Variants in PRRC1 observed in about 807,000 individuals in gnomAD.
PRRC1 encodes protein PRRC1.
A neutral mutation model predicts 40.7 loss-of-function variants in PRRC1; 39 were observed. The ratio of observed to expected loss-of-function variants is 0.96; its 90% CI spans 0.74 to 1.25. The LOEUF is 1.25. Among genes scored for constraint, PRRC1 ranks in the 50% most tolerant of loss-of-function variants. PRRC1 has a pLI of 0.00. For synonymous variants in PRRC1, 175 were observed against 193.3 expected (o/e 0.91, Z 0.79); for missense variants, 573 against 548.3 (o/e 1.05, Z -0.45).
chr5:127,525,242 C>G (rs1353621067), intron 3 of PRRC1, among the ~76,000 whole-genome samples: 3 of 152,200 alleles, frequency 2.0e-5, no homozygotes, highest in African/African-American at 7.2e-5. Flanking sequence ...TAGATGGAAT[C>G]ATATAATACG....
intron 4 of PRRC1, among the ~76,000 whole-genome samples, chr5:127,529,457 G>T (rs1393212251): frequency 2.0e-5 from 3 of 152,080 alleles, no homozygotes; most frequent in Non-Finnish European, 4.4e-5. Flanking sequence ...AACTCTATAG[G>T]TCTTGTAAAT....
Position 127,552,787 on chromosome 5 carries a change from A to AG in PRRC1, c.*876dup. ...ACATTTTAATACAGAAATTTTTGAG[A>AG]GGGGGTTACTTTATTGCTTGTGGGT... On this transcript the variant is annotated 3_prime_UTR_variant, in exon 9 of 9. Coordinates refer to ENST00000296666, the MANE Select transcript of PRRC1 (RefSeq NM_130809.5). 1 of 985,344 alleles carries AG rather than the reference A, an allele frequency of 1.0e-6. No individual in the cohort carries two copies. The highest frequency in any genetic ancestry group is 1.2e-6 in the Non-Finnish European group (1 of 829,604). 61.0% of individuals were successfully genotyped at this position (985,344 alleles called of 1,614,324 possible).
chr5:127,525,366 T>G (rs983433579), intron 3 of PRRC1, among the ~76,000 whole-genome samples: 2 of 152,234 alleles, frequency 1.3e-5, no homozygotes, highest in African/African-American at 4.8e-5. Flanking sequence ...TTCCTTTTCA[T>G]GGCTGAATAA....
chr5:127,523,768 C>T, intron 2 of PRRC1, 186 bp downstream of exon 2: 1 of 414,952 alleles, frequency 2.4e-6, no homozygotes, highest in Non-Finnish European at 4.2e-6. Context: ...AGTAAGAAAA[C>T]ATCAGTGTTT....
At chr5:127,531,891 G>A (rs2127099449) in intron 5 of PRRC1, among the ~76,000 whole-genome samples, 1 of 151,950 alleles carries the variant, frequency 6.6e-6, no homozygotes, top group South Asian at 2.1e-4. Flanking sequence ...AAAGAAGCTA[G>A]TAAATGATAA....
At chr5:127,523,878 T>A (rs1373650547) in intron 2 of PRRC1, 8 of 228,308 alleles carry the variant, frequency 3.5e-5, no homozygotes, top group Non-Finnish European at 5.1e-5. Context: ...TGTCTTCTGT[T>A]CTTTTTCTTT....
rs938981110 is a variant in PRRC1 at position 127,553,838 on chromosome 5, A to G, written c.*1922A>G. ...AATCCCCAAAGAGCAGTGGCAGTCC[A>G]TGGCTTGGTTGAAGCTAGAAATTTT... On this transcript the variant is annotated 3_prime_UTR_variant, in exon 9 of 9. Coordinates refer to ENST00000296666, the MANE Select transcript of PRRC1 (RefSeq NM_130809.5). The G allele has an allele frequency of 7.2e-6, 11 of 1,535,752 alleles. No homozygotes were observed. The African/African-American group carries it at 1.4e-4, about 19-fold the overall frequency.
chr5:127,542,833 G>C (rs1353329228), intron 7 of PRRC1, among the ~76,000 whole-genome samples: 1 of 151,672 alleles, frequency 6.6e-6, no homozygotes, highest in Admixed American at 6.6e-5. Flanking sequence ...TATCCAATTT[G>C]CCAGTCTGTG....
intron 7 of PRRC1, among the ~76,000 whole-genome samples, chr5:127,546,376 A>G (rs1418977525): frequency 2.0e-5 from 3 of 152,198 alleles, no homozygotes; most frequent in Non-Finnish European, 4.4e-5. Context: ...TGATTCCAAT[A>G]TCACGGTCAC....
Position 127,547,869 on chromosome 5 carries a change from A to T in PRRC1, c.1076A>T (p.His359Leu). Residue 359 changes from histidine (H) to leucine (L), a missense_variant, in exon 8 of 9, where the codon CAT becomes CTT. Coordinates refer to ENST00000296666, the MANE Select transcript of PRRC1 (RefSeq NM_130809.5). ...LVVEDPVHGIHLETFTQATPV... is the reference protein window; with the variant it reads ...LVVEDPVHGILLETFTQATPV... ...GTTGAAGATCCTGTCCATGGCATTC[A>T]TCTAGAAACATTTACACAAGCCACA... is the stretch of plus-strand genomic sequence containing the variant. 1 of 1,613,762 alleles carries T rather than the reference A, an allele frequency of 6.2e-7. No homozygotes were observed. The highest frequency in any genetic ancestry group is 8.5e-7 in the Non-Finnish European group (1 of 1,179,764).
chr5:127,549,207 A>G (rs1195014358), intron 8 of PRRC1: 1 of 152,172 alleles, frequency 6.6e-6, no homozygotes, highest in Non-Finnish European at 1.5e-5. Context: ...GAGTTCTACA[A>G]AATGTTCAGA....
At position 127,526,509 on chromosome 5, in the gene PRRC1, A is replaced by G. The variant is rs139415331; in HGVS notation, c.494-109A>G. 479 of 718,294 alleles carry G rather than the reference A, an allele frequency of 6.7e-4. 1 individual carries two copies. The African/African-American group carries it at 7.9e-3, about 12-fold the overall frequency. 44.5% of individuals were successfully genotyped at this position (718,294 alleles called of 1,614,324 possible). A position where few individuals can be genotyped will look rare whatever the true frequency, so the allele number is the denominator to read the frequency against. On this transcript the variant is annotated intron_variant, in intron 3 of 8. Transcript: ENST00000296666. ...GTGTTAATCTTTGATTGTATAACTC[A>G]GTCTTCAAATGCCTGAATATTAATA...
intron 7 of PRRC1, among the ~76,000 whole-genome samples, chr5:127,546,834 A>C (rs959062916): frequency 6.6e-6 from 1 of 152,188 alleles, no homozygotes; most frequent in South Asian, 2.1e-4. Context: ...TGATTGAGAA[A>C]GTTGTAGTAA....
In PRRC1 at chr5:127,551,882, T is replaced by C. The variant is rs1490431931; in HGVS notation, c.1304T>C (p.Met435Thr). The change falls in exon 9 of 9, where the codon ATG becomes ACG. Residue 435 changes from methionine (M) to threonine (T), a missense_variant. Coordinates refer to ENST00000296666, the MANE Select transcript of PRRC1 (RefSeq NM_130809.5). Reference sequence around the variant, plus strand: ...AGTGCAGCCAGAGCGATAGCGGGCATGTATAAACAGCGCCTGCCACCCAGG... The same window carrying C: ...AGTGCAGCCAGAGCGATAGCGGGCACGTATAAACAGCGCCTGCCACCCAGG... ...IYSAARAIAG[M>T]YKQRLPPRTV The C allele has an allele frequency of 1.9e-6, 3 of 1,614,046 alleles. No individual in the cohort carries two copies. The highest frequency in any genetic ancestry group is 2.5e-6 in the Non-Finnish European group (3 of 1,179,972).
Position 127,552,864 on chromosome 5 carries a change from T to G in PRRC1, c.*948T>G. 3 of 979,206 alleles carry G rather than the reference T, an allele frequency of 3.1e-6. No homozygotes were observed. The highest frequency in any genetic ancestry group is 3.6e-6 in the Non-Finnish European group (3 of 823,952). 60.7% of individuals were successfully genotyped at this position (979,206 alleles called of 1,614,324 possible). A position where few individuals can be genotyped will look rare whatever the true frequency, so the allele number is the denominator to read the frequency against. ...TTACTTATTTGGTTTGCCTTAAGCA[T>G]TACTTTTTTAACTTTGTGCCATTTG... On this transcript the variant is annotated 3_prime_UTR_variant, in exon 9 of 9. Transcript: ENST00000296666.
At chr5:127,526,811 C>T in intron 4 of PRRC1, 33 bp downstream of exon 4, 6 of 1,476,582 alleles carry the variant, frequency 4.1e-6, no homozygotes, top group Non-Finnish European at 5.5e-6. Context: ...GTTTAATTTT[C>T]TAATTATAAA....
intron 4 of PRRC1, 113 bp from the exon 5 acceptor site, chr5:127,530,181 A>G: frequency 4.2e-6 from 3 of 719,084 alleles, no homozygotes; most frequent in South Asian, 2.0e-5. Context: ...ATCTTACAAA[A>G]GTACTGGTTT....
At position 127,554,780 on chromosome 5, in the gene PRRC1, C is replaced by T. The variant is rs441265; in HGVS notation, c.*2864C>T. On this transcript the variant is annotated 3_prime_UTR_variant, in exon 9 of 9. Coordinates refer to ENST00000296666, the MANE Select transcript of PRRC1 (RefSeq NM_130809.5). ...AGTGCAGATGAAAGTGTGTTATATA[C>T]ATCCATTCAAAATTATGCAAGTTAG... The T allele has an allele frequency of 0.3, 45,116 of 152,498 alleles. 6,980 individuals carry two copies. The highest frequency in any genetic ancestry group is 0.55 in the East Asian group (2,838 of 5,184). 9.4% of individuals were successfully genotyped at this position (152,498 alleles called of 1,614,324 possible).
chr5:127,521,978 T>G (rs1767472318), intron 1 of PRRC1, among the ~76,000 whole-genome samples: 2 of 152,302 alleles, frequency 1.3e-5, no homozygotes, highest in African/African-American at 4.8e-5. Flanking sequence ...AGCACATAAT[T>G]CAGCTACCAT....
Sources: allele counts gnomAD v4.1 joint callset (sites outside exome capture counted in the v4.1 genomes callset), GRCh38; gene constraint gnomAD v4.1.1; transcripts MANE v1.5; gene names NCBI Gene and HGNC (gene_info 2026-07-23, HGNC 2026-07-21).